PHLPP1: variants seen among roughly 807,000 people sequenced by gnomAD.
The protein encoded by PHLPP1 is PH domain leucine-rich repeat-containing protein phosphatase 1.
A neutral mutation model predicts 117.2 loss-of-function variants in PHLPP1; 42 were observed. The observed-to-expected ratio is 0.36, with a 90% CI of 0.28 to 0.46. PHLPP1 has a LOEUF of 0.46. PHLPP1 is among the 20% of genes least tolerant of loss of function. The pLI is 1.00. For synonymous variants in PHLPP1, 1,042 were observed against 970.7 expected (o/e 1.07, Z -1.37); for missense variants, 2,084 against 2,241.9 (o/e 0.93, Z 1.42).
intron 1 of PHLPP1, among the ~76,000 whole-genome samples, chr18:62,803,828 T>C (rs2144303343): frequency 6.6e-6 from 1 of 152,348 alleles, no homozygotes; most frequent in East Asian, 1.9e-4. Context: ...AGAGTTCTTA[T>C]TGCTTCACAT....
intron 4 of PHLPP1, among the ~76,000 whole-genome samples, chr18:62,891,411 A>G (rs1361475584): frequency 6.6e-6 from 1 of 152,130 alleles, no homozygotes; most frequent in African/African-American, 2.4e-5. Context: ...AACATAGTGA[A>G]ACCCTGTCTC....
At chr18:62,765,414 A>G (rs1277600066) in intron 1 of PHLPP1, among the ~76,000 whole-genome samples, 4 of 152,210 alleles carry the variant, frequency 2.6e-5, no homozygotes, top group African/African-American at 9.7e-5. Context: ...GTACATTTGG[A>G]TATGAAAAGA....
At chr18:62,836,134 A>T (rs974850501) in intron 2 of PHLPP1, among the ~76,000 whole-genome samples, 57 of 151,868 alleles carry the variant, frequency 3.8e-4, no homozygotes, top group African/African-American at 1.2e-3. Flanking sequence ...TAAAATAAAT[A>T]AATAAATTAA....
At chr18:62,783,535 C>A (rs1298740663) in intron 1 of PHLPP1, among the ~76,000 whole-genome samples, 1 of 152,164 alleles carries the variant, frequency 6.6e-6, no homozygotes, top group African/African-American at 2.4e-5. Context: ...GCCCACAAGC[C>A]TTTCAATAAA....
Position 62,978,505 on chromosome 18 carries a change from G to T in PHLPP1, c.4228G>T (p.Gly1410Cys), listed in dbSNP as rs74737053. ...GCTGTGTACCCTGGCCCAGAGCTAC[G>T]GCTGCCACGACAGCATCAGCGCTGT... Reference protein sequence around the residue: ...KKLCTLAQSYGCHDSISAVVV... With the variant: ...KKLCTLAQSYCCHDSISAVVV... The change falls in exon 17 of 17, where the codon GGC (glycine) becomes TGC (cysteine). Residue 1410 changes from glycine to cysteine, a missense_variant. Physicochemically the swap from Gly to Cys is radical, Grantham distance 159 (BLOSUM62 -3). This residue lies in a region of PHLPP1 where 1,365 missense variants were observed against 1,605.9 expected (regional missense o/e 0.85). Transcript: ENST00000262719. This position sits in a 1 kb window ranked among gnomAD's most constrained non-coding sequence, Gnocchi z 7.0. 1 of 1,608,298 alleles carries T rather than the reference G, an allele frequency of 6.2e-7. No homozygotes were observed. Among genetic ancestry groups the T allele is most frequent in the African/African-American group, 1.3e-5 (1 of 74,892 alleles).
chr18:62,724,048 A>G (rs911530375), intron 1 of PHLPP1, among the ~76,000 whole-genome samples: 1 of 152,142 alleles, frequency 6.6e-6, no homozygotes, highest in Non-Finnish European at 1.5e-5. Flanking sequence ...ACTTGGACCT[A>G]ATGTACACAA....
At chr18:62,920,772 G>A (rs1909440890) in intron 10 of PHLPP1, among the ~76,000 whole-genome samples, 1 of 152,090 alleles carries the variant, frequency 6.6e-6, no homozygotes, top group Non-Finnish European at 1.5e-5. Context: ...TGTTGGCCAG[G>A]CTGGTTTCGA....
chr18:62,954,235 T>G (rs999922893), intron 12 of PHLPP1, among the ~76,000 whole-genome samples: 30 of 152,214 alleles, frequency 2.0e-4, no homozygotes, highest in Non-Finnish European at 1.2e-4. Context: ...GAATTTTGAT[T>G]ATAACAAAGT....
intron 4 of PHLPP1, among the ~76,000 whole-genome samples, chr18:62,893,689 C>T (rs1015270652): frequency 2.6e-5 from 4 of 152,068 alleles, no homozygotes; most frequent in African/African-American, 4.8e-5. Context: ...TAGACGTGGG[C>T]GGTTTTTAAA....
Position 62,946,224 on chromosome 18 carries a change from T to C in PHLPP1, c.3324+953T>C, listed in dbSNP as rs1162473511. On this transcript the variant is annotated intron_variant, in intron 12 of 16. Coordinates refer to ENST00000262719, the MANE Select transcript of PHLPP1 (RefSeq NM_194449.4). ...TTGTGTTTTAGATTAAGAAAGCAAA[T>C]AGACATTTGAAGACATTTTAAATGG... is the stretch of plus-strand genomic sequence containing the variant. Among the ~76,000 whole-genome samples, 4 of 152,300 alleles carry C rather than the reference T, an allele frequency of 2.6e-5. 1 individual carries two copies. Among genetic ancestry groups the C allele is most frequent in the Admixed American group, 2.6e-4 (4 of 15,304 alleles).
At chr18:62,973,454 C>T (rs751695276) in intron 15 of PHLPP1, among the ~76,000 whole-genome samples, 3 of 152,186 alleles carry the variant, frequency 2.0e-5, no homozygotes, top group African/African-American at 4.8e-5. Flanking sequence ...TCATGTGGGA[C>T]CCAGGAGTGA....
At chr18:62,913,115 A>G (rs1038293481) in intron 8 of PHLPP1, among the ~76,000 whole-genome samples, 1 of 152,150 alleles carries the variant, frequency 6.6e-6, no homozygotes, top group Admixed American at 6.5e-5. Context: ...CTTCACTATA[A>G]CACACTACCT....
intron 7 of PHLPP1, among the ~76,000 whole-genome samples, chr18:62,904,787 AG>A (rs1406519117): frequency 1.3e-5 from 2 of 152,272 alleles, no homozygotes; most frequent in Non-Finnish European, 2.9e-5. Flanking sequence ...TAAAGTGTTC[AG>A]GAAGTGTTTC....
intron 1 of PHLPP1, among the ~76,000 whole-genome samples, chr18:62,828,656 C>G (rs1027092147): frequency 6.6e-6 from 1 of 152,088 alleles, no homozygotes; most frequent in African/African-American, 2.4e-5. Context: ...TTTGGAGTTT[C>G]TTGTTATTTA....
intron 3 of PHLPP1, among the ~76,000 whole-genome samples, chr18:62,847,430 TAAAG>T (rs1256057424): frequency 3.9e-5 from 6 of 152,200 alleles, no homozygotes; most frequent in Non-Finnish European, 8.8e-5. Flanking sequence ...CAGGAAACCT[TAAAG>T]AAGTTTGGTT....
intron 11 of PHLPP1, among the ~76,000 whole-genome samples, chr18:62,942,332 G>A (rs927944863): frequency 5.3e-5 from 8 of 152,078 alleles, no homozygotes; most frequent in Non-Finnish European, 1.0e-4. Flanking sequence ...ACCAGCCTGG[G>A]CAACATAGTG....
At chr18:62,790,632 A>G (rs774890419) in intron 1 of PHLPP1, among the ~76,000 whole-genome samples, 2 of 152,214 alleles carry the variant, frequency 1.3e-5, no homozygotes, top group Non-Finnish European at 1.5e-5. Context: ...AAAATGTTTT[A>G]TAAAAAGTCA....
intron 3 of PHLPP1, among the ~76,000 whole-genome samples, chr18:62,853,410 C>T (rs1332363389): frequency 2.0e-5 from 3 of 150,752 alleles, no homozygotes; most frequent in African/African-American, 7.3e-5. Flanking sequence ...GCTGTTGTTG[C>T]CCAGGCTGGA....
intron 10 of PHLPP1, among the ~76,000 whole-genome samples, chr18:62,928,922 T>A (rs533895543): frequency 3.9e-5 from 6 of 152,270 alleles, no homozygotes; most frequent in African/African-American, 1.2e-4. Context: ...TCTTTTTATA[T>A]GAAATATTTG....
Sources: gnomAD v4.1 joint callset for allele counts (sites outside exome capture counted in the v4.1 genomes callset) on GRCh38, gnomAD v4.1.1 for gene constraint, gnomAD v4.1.1 regional missense constraint, Gnocchi (gnomAD v3.1) non-coding constraint, MANE v1.5 for transcripts, NCBI Gene and HGNC (gene_info 2026-07-23, HGNC 2026-07-21) for gene names.